The following GRIK1 variants were observed in gnomAD, a reference collection of about 807,000 sequenced individuals.
GRIK1 encodes glutamate ionotropic receptor kainate type subunit 1.
GRIK1 carries 69 observed loss-of-function variants against 105.7 expected under a neutral mutation model. The ratio of observed to expected loss-of-function variants is 0.65; its 90% CI spans 0.54 to 0.80. The LOEUF (loss-of-function observed/expected upper bound fraction) is 0.80. GRIK1 is among the 30% of genes least tolerant of loss of function. GRIK1 has a pLI of 0.00. For synonymous variants in GRIK1, 438 were observed against 431.3 expected, an observed-to-expected ratio of 1.02 and a Z score of -0.19; for missense variants, 1,109 against 1,167.3, an observed-to-expected ratio of 0.95 and a Z score of 0.73.
intron 7 of GRIK1, among the ~76,000 whole-genome samples, chr21:29,614,494 A>G (rs1268006932): frequency 2.3e-5 from 3 of 130,342 alleles, no homozygotes; most frequent in Admixed American, 8.7e-5. Flanking sequence ...GCTCACCGCA[A>G]CCTCTGCCTC....
At chr21:29,912,572 G>T (rs1208717061) in intron 1 of GRIK1, among the ~76,000 whole-genome samples, 2 of 151,936 alleles carry the variant, frequency 1.3e-5, no homozygotes, top group Non-Finnish European at 1.5e-5. Flanking sequence ...TCTTTCAAAA[G>T]GTATATGGGA....
chr21:29,624,144 T>C (rs1401381933), intron 7 of GRIK1, among the ~76,000 whole-genome samples: 2 of 152,234 alleles, frequency 1.3e-5, no homozygotes, highest in Non-Finnish European at 1.5e-5. Flanking sequence ...CTTGCAATTA[T>C]TGAAATTGTC....
chr21:29,718,176 G>T (rs1163685436), intron 1 of GRIK1, among the ~76,000 whole-genome samples: 1 of 152,020 alleles, frequency 6.6e-6, no homozygotes, highest in Non-Finnish European at 1.5e-5. Context: ...ACTCAGTCTT[G>T]GTTATTTCTT....
intron 7 of GRIK1, among the ~76,000 whole-genome samples, chr21:29,620,703 G>GTT (rs2061964583): frequency 6.8e-6 from 1 of 147,908 alleles, no homozygotes; most frequent in East Asian, 2.0e-4. Flanking sequence ...AGACACTGAA[G>GTT]TTAAGTGAAA....
In GRIK1 at chr21:29,564,398, C is replaced by T. The variant is rs540864013; in HGVS notation, c.2131-2549G>A. ...TCCTGACCTCGTGATCCGCCCGCCT[C>T]GGCCTCCCAAAGTGCTGGGATTACA... On this transcript the variant is annotated intron_variant, in intron 14 of 17. Coordinates refer to ENST00000327783, the MANE Select transcript of GRIK1 (RefSeq NM_001330994.2). Among the ~76,000 whole-genome samples the T allele has an allele frequency of 3.7e-4, 57 of 152,152 alleles. 1 individual carries two copies. Among genetic ancestry groups the T allele is most frequent in the Non-Finnish European group, 7.3e-4 (50 of 68,032 alleles).
At chr21:29,935,849 C>T (rs533081640) in intron 1 of GRIK1, among the ~76,000 whole-genome samples, 141 of 152,106 alleles carry the variant, frequency 9.3e-4, no homozygotes, top group African/African-American at 3.2e-3. Context: ...GAGATTTAGG[C>T]TTAAAGATAT....
intron 1 of GRIK1, chr21:29,761,566 A>G (rs1209066462): frequency 6.6e-6 from 1 of 152,214 alleles, no homozygotes; most frequent in South Asian, 2.1e-4. Flanking sequence ...TAAGATAAAT[A>G]TTTTTTAGAA....
chr21:29,894,001 G>C (rs2070009860), intron 1 of GRIK1, among the ~76,000 whole-genome samples: 1 of 152,272 alleles, frequency 6.6e-6, no homozygotes, highest in East Asian at 1.9e-4. Context: ...CAGGTGCTAG[G>C]TTAGAGAAAA....
At chr21:29,681,958 T>C (rs535265421) in intron 3 of GRIK1, among the ~76,000 whole-genome samples, 3 of 152,300 alleles carry the variant, frequency 2.0e-5, no homozygotes, top group African/African-American at 7.2e-5. Context: ...TATCCAAAGT[T>C]GGGAGCAACT....
chr21:29,892,450 A>G (rs2069937485), intron 1 of GRIK1, among the ~76,000 whole-genome samples: 1 of 152,218 alleles, frequency 6.6e-6, no homozygotes, highest in Admixed American at 6.5e-5. Flanking sequence ...TATAATTGGG[A>G]GCTTGGATTT....
intron 1 of GRIK1, among the ~76,000 whole-genome samples, chr21:29,854,118 T>C (rs1039963549): frequency 3.3e-5 from 5 of 152,134 alleles, no homozygotes; most frequent in Admixed American, 2.0e-4. Flanking sequence ...AGAAGCATGA[T>C]GCCTTCTGGT....
chr21:29,754,724 A>G (rs1225610344), intron 1 of GRIK1, among the ~76,000 whole-genome samples: 1 of 152,186 alleles, frequency 6.6e-6, no homozygotes, highest in Non-Finnish European at 1.5e-5. Context: ...CTTTCAGTAA[A>G]GCAGATTATT....
intron 14 of GRIK1, among the ~76,000 whole-genome samples, chr21:29,572,542 C>T (rs1283587135): frequency 6.6e-6 from 1 of 152,110 alleles, no homozygotes; most frequent in Non-Finnish European, 1.5e-5. Flanking sequence ...TTCTGAATGC[C>T]TACTATACGG....
At chr21:29,667,082 G>A (rs1345387123) in intron 4 of GRIK1, among the ~76,000 whole-genome samples, 1 of 152,008 alleles carries the variant, frequency 6.6e-6, no homozygotes, top group Non-Finnish European at 1.5e-5. Flanking sequence ...TGAGGTCTTC[G>A]GCCTTTTCTA....
intron 1 of GRIK1, among the ~76,000 whole-genome samples, chr21:29,809,882 G>A (rs1319271938): frequency 6.6e-6 from 1 of 152,144 alleles, no homozygotes; most frequent in Non-Finnish European, 1.5e-5. Flanking sequence ...GAGGCCCGAG[G>A]AGATGAAGAG....
intron 1 of GRIK1, among the ~76,000 whole-genome samples, chr21:29,771,977 G>A (rs904896742): frequency 7.2e-5 from 11 of 152,156 alleles, no homozygotes; most frequent in African/African-American, 2.4e-4. Context: ...CTTTTTAGTT[G>A]ATGCCAAGTC....
At chr21:29,772,066 A>G (rs954948464) in intron 1 of GRIK1, among the ~76,000 whole-genome samples, 1 of 152,276 alleles carries the variant, frequency 6.6e-6, no homozygotes, top group African/African-American at 2.4e-5. Flanking sequence ...CATTTTCAAA[A>G]GATCAGTGCA....
intron 1 of GRIK1, among the ~76,000 whole-genome samples, chr21:29,747,601 C>G (rs1294812283): frequency 1.3e-5 from 2 of 152,178 alleles, no homozygotes; most frequent in Non-Finnish European, 2.9e-5. Context: ...TAGGCTGAGG[C>G]AGGTGGATCA....
At chr21:29,720,287 G>T (rs1300895046) in intron 1 of GRIK1, among the ~76,000 whole-genome samples, 1 of 151,994 alleles carries the variant, frequency 6.6e-6, no homozygotes, top group Non-Finnish European at 1.5e-5. Context: ...ATTCTATGCT[G>T]TTTGCATCTA....
Sources: allele counts gnomAD v4.1 joint callset (sites outside exome capture counted in the v4.1 genomes callset), GRCh38; gene constraint gnomAD v4.1.1; transcripts MANE v1.5; gene names NCBI Gene and HGNC (gene_info 2026-07-23, HGNC 2026-07-21).